Variants in RBFOX3 observed in about 807,000 individuals in gnomAD.
RBFOX3 encodes the protein RNA binding fox-1 homolog 3.
Under a neutral mutation model 48.7 loss-of-function variants are expected in RBFOX3, and 17 were observed. The ratio of observed to expected loss-of-function variants is 0.35; its 90% CI spans 0.24 to 0.52. The LOEUF is 0.52. Among genes scored for constraint, RBFOX3 ranks in the 20% least tolerant of loss-of-function variants. The probability of loss-of-function intolerance (pLI) is 0.94; values close to 1 mark genes in which losing one functional copy is unlikely to be tolerated. For synonymous variants in RBFOX3, 212 were observed against 209.5 expected, an observed-to-expected ratio of 1.01 and a Z score of -0.10; for missense variants, 382 against 497.5, an observed-to-expected ratio of 0.77 and a Z score of 2.21.
intron 4 of RBFOX3, among the ~76,000 whole-genome samples, chr17:79,125,880 C>T (rs919166243): frequency 6.6e-6 from 1 of 152,236 alleles, no homozygotes; most frequent in East Asian, 1.9e-4. Flanking sequence ...AGGCCCCATC[C>T]GCCGAGCTGT....
chr17:79,495,701 T>C (rs1453880652), intron 1 of RBFOX3, among the ~76,000 whole-genome samples: 8 of 91,142 alleles, frequency 8.8e-5, no homozygotes, highest in Non-Finnish European at 1.8e-4. Flanking sequence ...ATAAAGGTGG[T>C]TGGGGGCACA....
the RBFOX3 span, among the ~76,000 whole-genome samples, chr17:79,616,511 G>C: frequency 6.6e-6 from 1 of 151,250 alleles, no homozygotes; most frequent in African/African-American, 2.4e-5. Context: ...ACTCCGGCTT[G>C]GGCGACAGAG....
chr17:79,459,951 G>C (rs945402352), intron 2 of RBFOX3, among the ~76,000 whole-genome samples: 1 of 152,128 alleles, frequency 6.6e-6, no homozygotes, highest in Non-Finnish European at 1.5e-5. Flanking sequence ...TCCAAGCAGC[G>C]GAAGATTACT....
chr17:79,569,175 A>G (rs2144488023), intron 1 of RBFOX3, among the ~76,000 whole-genome samples: 1 of 152,068 alleles, frequency 6.6e-6, no homozygotes, highest in Admixed American at 6.5e-5. Flanking sequence ...ACCCATGACT[A>G]TGACCCACTT....
intron 1 of RBFOX3, among the ~76,000 whole-genome samples, chr17:79,552,378 A>T (rs2091239929): frequency 6.6e-6 from 1 of 152,194 alleles, no homozygotes; most frequent in Non-Finnish European, 1.5e-5. Flanking sequence ...ACACATCAGC[A>T]AAGCCTTTCA....
In RBFOX3 at chr17:79,242,231, G is replaced by A. The variant is rs112295189; in HGVS notation, c.-73-6426C>T. Among the ~76,000 whole-genome samples the A allele has an allele frequency of 3.3e-4, 50 of 152,246 alleles. No individual in the cohort carries two copies. The highest frequency in any genetic ancestry group is 1.2e-3 in the African/African-American group (49 of 41,550). On this transcript the variant is annotated intron_variant, in intron 3 of 14. Coordinates refer to ENST00000693108, the MANE Select transcript of RBFOX3 (RefSeq NM_001350451.2). The surrounding 1 kb of genome is among the most constrained non-coding windows in gnomAD (Gnocchi z 5.8). ...AGGGGGTGCTACCTGAGGAGCCCCG[G>A]GGTGGGGGGCAGGCCGTATGGAGGG...
chr17:79,295,536 G>T (rs1330778621), intron 3 of RBFOX3, among the ~76,000 whole-genome samples: 4 of 152,208 alleles, frequency 2.6e-5, no homozygotes, highest in Non-Finnish European at 5.9e-5. Context: ...GACAGCCTGG[G>T]ATGAGCAATG....
At chr17:79,118,975 C>CAA (rs767042086) in intron 4 of RBFOX3, among the ~76,000 whole-genome samples, 92 of 75,750 alleles carry the variant, frequency 1.2e-3, no homozygotes, top group Non-Finnish European at 2.3e-3. Flanking sequence ...ACCCCTGTCT[C>CAA]AAAAAAAAAA....
At chr17:79,121,915 C>G (rs550979566) in intron 4 of RBFOX3, among the ~76,000 whole-genome samples, 24 of 152,224 alleles carry the variant, frequency 1.6e-4, no homozygotes, top group African/African-American at 5.3e-4. Flanking sequence ...CCCCAGAATC[C>G]CAGCTGCCCC....
At chr17:79,347,809 T>G (rs1195419021) in intron 2 of RBFOX3, among the ~76,000 whole-genome samples, 8 of 152,206 alleles carry the variant, frequency 5.3e-5, no homozygotes, top group Non-Finnish European at 1.0e-4. Flanking sequence ...GTTCTGGTAT[T>G]TCTATTCTGA....
intron 4 of RBFOX3, among the ~76,000 whole-genome samples, chr17:79,159,290 G>T (rs955845922): frequency 9.9e-5 from 15 of 152,164 alleles, no homozygotes; most frequent in African/African-American, 3.1e-4. Flanking sequence ...GAGAGTCCTG[G>T]GGGTAGAGCT....
At chr17:79,459,618 C>T (rs1222937084) in intron 2 of RBFOX3, among the ~76,000 whole-genome samples, 3 of 152,180 alleles carry the variant, frequency 2.0e-5, no homozygotes, top group Admixed American at 2.0e-4. Context: ...CCACCCCCAC[C>T]AATCCTAGAG....
chr17:79,090,787 G>A lies in RBFOX3; in HGVS notation c.*96C>T. On this transcript the variant is annotated 3_prime_UTR_variant, in exon 15 of 15. Transcript: ENST00000693108. ...TTGGTTGGTTTTTTTTTTGTTGCTT[G>A]GATCTTAACATCTTTTTTTGTTTTT... 1 of 1,348,964 alleles carries A rather than the reference G, an allele frequency of 7.4e-7. No individual in the cohort carries two copies. Among genetic ancestry groups the A allele is most frequent in the Non-Finnish European group, 1.0e-6 (1 of 995,396 alleles). The allele number at this position is 1,348,964 out of a possible 1,614,324, so 83.6% of individuals were successfully genotyped here.
At chr17:79,533,892 G>A (rs2088257426) in intron 1 of RBFOX3, among the ~76,000 whole-genome samples, 1 of 152,208 alleles carries the variant, frequency 6.6e-6, no homozygotes, top group Non-Finnish European at 1.5e-5. Flanking sequence ...AACATTTTGA[G>A]CATATATACA....
At chr17:79,644,813 T>C in the RBFOX3 span, among the ~76,000 whole-genome samples, 1 of 152,366 alleles carries the variant, frequency 6.6e-6, no homozygotes, top group South Asian at 2.1e-4. Context: ...TCCATATTGC[T>C]ATGACGTCAT....
chr17:79,374,809 C>T (rs1382017196), intron 2 of RBFOX3, among the ~76,000 whole-genome samples: 1 of 152,228 alleles, frequency 6.6e-6, no homozygotes, highest in Non-Finnish European at 1.5e-5. Flanking sequence ...GACTTCTTTA[C>T]AGACTGAGCC....
chr17:79,582,157 TGTGCCTGTGC>T (rs2093087056), intron 1 of RBFOX3, among the ~76,000 whole-genome samples: 1 of 149,764 alleles, frequency 6.7e-6, no homozygotes, highest in African/African-American at 2.5e-5. Flanking sequence ...TGCCCGTGTA[TGTGCCTGTGC>T]GTGCCTGTGT....
intron 4 of RBFOX3, among the ~76,000 whole-genome samples, chr17:79,194,936 T>A (rs565388885): frequency 6.6e-6 from 1 of 152,372 alleles, no homozygotes; most frequent in South Asian, 2.1e-4. Context: ...ACTTTCTCAA[T>A]GTGGGTGCTG....
chr17:79,294,404 G>A (rs1173077661), intron 3 of RBFOX3, among the ~76,000 whole-genome samples: 4 of 152,052 alleles, frequency 2.6e-5, no homozygotes, highest in Non-Finnish European at 4.4e-5. Context: ...TCCATCTTCC[G>A]GGCTCAAGTC....
Sources: allele counts gnomAD v4.1 joint callset (sites outside exome capture counted in the v4.1 genomes callset), GRCh38; gene constraint gnomAD v4.1.1; non-coding constraint Gnocchi (gnomAD v3.1); transcripts MANE v1.5; gene names NCBI Gene and HGNC (gene_info 2026-07-23, HGNC 2026-07-21).